OR4K13: variants seen among roughly 807,000 people sequenced by gnomAD.
The protein encoded by OR4K13 is olfactory receptor family 4 subfamily K member 13.
For missense variants in OR4K13, 403 were observed against 366.0 expected, an observed-to-expected ratio of 1.10 and a Z score of -0.82; for synonymous variants, 160 against 134.8, an observed-to-expected ratio of 1.19 and a Z score of -1.30.
chr14:20,033,970 G>A lies in OR4K13; in HGVS notation c.789C>T (p.Ser263=). ...PCVFIYVWPF[S]RYSVDKILSV... ...AAAGAATTTTATCTACCGAGTATCT[G>A]CTGAAGGGCCAGACGTAGATAAAGA... The change falls in exon 2 of 2, where the codon AGC becomes AGT. Residue 263 remains serine, a synonymous_variant. Transcript: ENST00000641904. 6.2e-7 allele frequency: 1 copy of A among 1,613,536 alleles called. No homozygotes were observed. The highest frequency in any genetic ancestry group is 1.1e-5 in the South Asian group (1 of 91,068).
At position 20,030,370 on chromosome 14, in the gene OR4K13, A is replaced by G. The variant is rs1396835749; in HGVS notation, c.*3474T>C. On this transcript the variant is annotated 3_prime_UTR_variant, in exon 2 of 2. Coordinates refer to ENST00000641904, the MANE Select transcript of OR4K13 (RefSeq NM_001004714.2). ...AAAATAAATTTTAAAAAATTAAAAT[A>G]ATAAAAAATAAATTGCTATAAAAGC... The G allele has an allele frequency of 6.6e-6, 1 of 151,952 alleles. No individual in the cohort carries two copies. Among genetic ancestry groups the G allele is most frequent in the African/African-American group, 2.4e-5 (1 of 41,442 alleles). The allele number at this position is 151,952 out of a possible 1,614,324, so 9.4% of individuals were successfully genotyped here.
rs1446535302 is a variant in OR4K13 at position 20,033,555 on chromosome 14, G to A, written c.*289C>T. On this transcript the variant is annotated 3_prime_UTR_variant, in exon 2 of 2. Coordinates refer to ENST00000641904, the MANE Select transcript of OR4K13 (RefSeq NM_001004714.2). The stretch of plus-strand genomic sequence containing the variant: ...AAACTGATAAAGGTGGGATTTAAAT[G>A]TATACAAGCCAAACTGTAGATATTA... 4.9e-6 allele frequency: 1 copy of A among 202,518 alleles called. No homozygotes were observed. The highest frequency in any genetic ancestry group is 1.0e-5 in the Non-Finnish European group (1 of 99,842). The allele number at this position is 202,518 out of a possible 1,614,324, so 12.5% of individuals were successfully genotyped here.
Position 20,034,877 on chromosome 14 carries a change from G to T in OR4K13, c.-119C>A. 1.2e-6 allele frequency: 1 copy of T among 806,038 alleles called. No individual in the cohort carries two copies. Among genetic ancestry groups the T allele is most frequent in the Non-Finnish European group, 1.9e-6 (1 of 521,766 alleles). The allele number at this position is 806,038 out of a possible 1,614,324, so 49.9% of individuals were successfully genotyped here. A position where few individuals can be genotyped will look rare whatever the true frequency, so the allele number is the denominator to read the frequency against. ...CATTTGGTACTCAGTCAAGGCACTT[G>T]AACTTACAAGGACCCTTACTTTTGT... is the stretch of plus-strand genomic sequence containing the variant. On this transcript the variant is annotated 5_prime_UTR_variant, in exon 2 of 2. Transcript: ENST00000641904.
In OR4K13 at chr14:20,034,444, G is replaced by A. The variant is rs377194294; in HGVS notation, c.315C>T (p.His105=). The A allele has an allele frequency of 1.3e-4, 207 of 1,613,794 alleles. No homozygotes were observed. Among genetic ancestry groups the A allele is most frequent in the Non-Finnish European group, 1.7e-4 (196 of 1,179,964 alleles). ...WGCYSQMFFM[H]LLGGSEMMLL... ...ACATCATCTCACTCCCACCCAGGAG[G>A]TGCATAAAGAACATCTGGGAATAAC... is the stretch of plus-strand genomic sequence containing the variant. The change falls in exon 2 of 2, where the codon CAC becomes CAT. Residue 105 remains histidine (H), a synonymous_variant. Coordinates refer to ENST00000641904, the MANE Select transcript of OR4K13 (RefSeq NM_001004714.2).
rs1387943515 is a variant in OR4K13 at position 20,033,255 on chromosome 14, T to C, written c.*589A>G. 6.6e-6 allele frequency: 1 copy of C among 152,390 alleles called. No individual in the cohort carries two copies. 9.4% of individuals were successfully genotyped at this position (152,390 alleles called of 1,614,324 possible). A position where few individuals can be genotyped will look rare whatever the true frequency, so the allele number is the denominator to read the frequency against. ...TGTGTTTATGGAAAACAACTTAGTA[T>C]AATTTAATACACACTAATCAGGGAT... On this transcript the variant is annotated 3_prime_UTR_variant, in exon 2 of 2. Coordinates refer to ENST00000641904, the MANE Select transcript of OR4K13 (RefSeq NM_001004714.2).
At position 20,034,178 on chromosome 14, in the gene OR4K13, A is replaced by G; in HGVS notation, c.581T>C (p.Ile194Thr). Residue 194 changes from isoleucine (I) to threonine (T), a missense_variant, in exon 2 of 2, where the codon ATC becomes ACC. Transcript: ENST00000641904. ...VIKLACKDTY[I>T]LQLLVIADSG... Reference sequence around the variant, plus strand: ...GTCAGCAATGACCAGGAGCTGTAGGATGTAGGTGTCCTTGCAGGCAAGTTT... The same window carrying G: ...GTCAGCAATGACCAGGAGCTGTAGGGTGTAGGTGTCCTTGCAGGCAAGTTT... 1 of 1,614,150 alleles carries G rather than the reference A, an allele frequency of 6.2e-7. No individual in the cohort carries two copies. The highest frequency in any genetic ancestry group is 8.5e-7 in the Non-Finnish European group (1 of 1,180,028).
chr14:20,034,839 A>C lies in OR4K13; in HGVS notation c.-81T>G. 1 of 1,168,110 alleles carries C rather than the reference A, an allele frequency of 8.6e-7. No individual in the cohort carries two copies. Among genetic ancestry groups the C allele is most frequent in the Admixed American group, 2.4e-5 (1 of 42,048 alleles). The allele number at this position is 1,168,110 out of a possible 1,614,324, so 72.4% of individuals were successfully genotyped here. A position where few individuals can be genotyped will look rare whatever the true frequency, so the allele number is the denominator to read the frequency against. ...TGATGCATATTGGAAAGAAATGTTC[A>C]TGTTGATGTCCACATTTGGTACTCA... On this transcript the variant is annotated 5_prime_UTR_variant, in exon 2 of 2. An upstream start codon of the reference 5' UTR is lost. Transcript: ENST00000641904.
Position 20,033,805 on chromosome 14 carries a change from G to C in OR4K13, c.*39C>G. On this transcript the variant is annotated 3_prime_UTR_variant, in exon 2 of 2. Transcript: ENST00000641904. Reference sequence around the variant, plus strand: ...TAAATGTTCAAACAAACAAGAGAGTGTCTCTTCAAAAGTCTCATCTAAAAA... The same window carrying C: ...TAAATGTTCAAACAAACAAGAGAGTCTCTCTTCAAAAGTCTCATCTAAAAA... 4 of 1,066,730 alleles carry C rather than the reference G, an allele frequency of 3.7e-6. No individual in the cohort carries two copies. The South Asian group carries it at 4.8e-5, about 13-fold the overall frequency. The allele number at this position is 1,066,730 out of a possible 1,614,324, so 66.1% of individuals were successfully genotyped here.
Position 20,034,077 on chromosome 14 carries a change from G to T in OR4K13, c.682C>A (p.Arg228Ser), listed in dbSNP as rs762850065. ...YGVIIFSVRYRAASRSSKAFS... is the reference protein window; with the variant it reads ...YGVIIFSVRYSAASRSSKAFS... ...GCCTTAGAGGATCGACTAGCAGCAC[G>T]GTACCTAACTGAGAATATTATGACT... The change falls in exon 2 of 2, where the codon CGT becomes AGT. Residue 228 changes from arginine to serine, a missense_variant. Arg to Ser is a moderately radical substitution (Grantham distance 110). Coordinates refer to ENST00000641904, the MANE Select transcript of OR4K13 (RefSeq NM_001004714.2). The T allele has an allele frequency of 4.3e-6, 7 of 1,614,010 alleles. No homozygotes were observed. The highest frequency in any genetic ancestry group is 5.9e-6 in the Non-Finnish European group (7 of 1,179,980).
In OR4K13 at chr14:20,033,407, T is replaced by C. The variant is rs1182971307; in HGVS notation, c.*437A>G. The C allele has an allele frequency of 1.3e-5, 2 of 154,750 alleles. No homozygotes were observed. The highest frequency in any genetic ancestry group is 2.9e-5 in the Non-Finnish European group (2 of 69,870). The allele number at this position is 154,750 out of a possible 1,614,324, so 9.6% of individuals were successfully genotyped here. ...ACAACAAAAAACCTAACAATAATAA[T>C]GTGTTTTCTGAGGTTTAAGAGCATG... On this transcript the variant is annotated 3_prime_UTR_variant, in exon 2 of 2. Transcript: ENST00000641904.
chr14:20,034,258 G>C lies in OR4K13; in HGVS notation c.501C>G (p.Pro167=). 1 of 1,614,070 alleles carries C rather than the reference G, an allele frequency of 6.2e-7. No individual in the cohort carries two copies. The highest frequency in any genetic ancestry group is 8.5e-7 in the Non-Finnish European group (1 of 1,180,016). Residue 167 remains proline, a synonymous_variant, in exon 2 of 2, where the codon CCC becomes CCG. Coordinates refer to ENST00000641904, the MANE Select transcript of OR4K13 (RefSeq NM_001004714.2). ...SSQMAFMLTL[P]FCGPNVIDSF... ...TGTCTATAACATTGGGACCACAGAA[G>C]GGCAAAGTCAACATGAAAGCCATTT...
Position 20,034,234 on chromosome 14 carries a change from G to T in OR4K13, c.525C>A (p.Asp175Glu). The T allele has an allele frequency of 6.2e-7, 1 of 1,614,142 alleles. No homozygotes were observed. Among genetic ancestry groups the T allele is most frequent in the East Asian group, 2.2e-5 (1 of 44,872 alleles). Residue 175 changes from aspartate (D) to glutamate (E), a missense_variant, in exon 2 of 2, where the codon GAC becomes GAA. Coordinates refer to ENST00000641904, the MANE Select transcript of OR4K13 (RefSeq NM_001004714.2). ...CAAGGGGAAGGTCACAGAAAAAGCT[G>T]TCTATAACATTGGGACCACAGAAGG... ...TLPFCGPNVIDSFFCDLPLVI... is the reference protein window; with the variant it reads ...TLPFCGPNVIESFFCDLPLVI...
chr14:20,032,010 A>G lies in OR4K13; in HGVS notation c.*1834T>C, dbSNP rs1338830020. 1 of 152,456 alleles carries G rather than the reference A, an allele frequency of 6.6e-6. No homozygotes were observed. Among genetic ancestry groups the G allele is most frequent in the Non-Finnish European group, 1.5e-5 (1 of 68,118 alleles). 9.4% of individuals were successfully genotyped at this position (152,456 alleles called of 1,614,324 possible). The stretch of plus-strand genomic sequence containing the variant: ...ATGTGGGAATAGTGCAGGAACGTGC[A>G]GGTCTGCGTGTTTTGTTCTGAAGGT... On this transcript the variant is annotated 3_prime_UTR_variant, in exon 2 of 2. Coordinates refer to ENST00000641904, the MANE Select transcript of OR4K13 (RefSeq NM_001004714.2).
chr14:20,034,658 A>G lies in OR4K13; in HGVS notation c.101T>C (p.Val34Ala), dbSNP rs2138674878. 1.2e-6 allele frequency: 2 copies of G among 1,613,868 alleles called. No individual in the cohort carries two copies. The highest frequency in any genetic ancestry group is 4.5e-5 in the East Asian group (2 of 44,900). Reference sequence around the variant, plus strand: ...GTTTCCTAACACAATCCCCACGAAGACCACAGAGAATCCCAAGAAGAATAA... The same window carrying G: ...GTTTCCTAACACAATCCCCACGAAGGCCACAGAGAATCCCAAGAAGAATAA... ...QILFFLGFSV[V>A]FVGIVLGNLL... The change falls in exon 2 of 2, where the codon GTC becomes GCC. Residue 34 changes from valine to alanine, a missense_variant. Physicochemically the swap from Val to Ala is moderately conservative, Grantham distance 64. Transcript: ENST00000641904.
At position 20,031,822 on chromosome 14, in the gene OR4K13, C is replaced by A. The variant is rs1877426066; in HGVS notation, c.*2022G>T. The A allele has an allele frequency of 6.7e-6, 1 of 149,982 alleles. No individual in the cohort carries two copies. The highest frequency in any genetic ancestry group is 2.4e-5 in the African/African-American group (1 of 40,846). The allele number at this position is 149,982 out of a possible 1,614,324, so 9.3% of individuals were successfully genotyped here. On this transcript the variant is annotated 3_prime_UTR_variant, in exon 2 of 2. Coordinates refer to ENST00000641904, the MANE Select transcript of OR4K13 (RefSeq NM_001004714.2). ...CCAACACACCCACCCATGCCCACCTCCCCGCTCAGAGGCTGAAAACAAGTG... is the reference window on the plus strand; with the variant it reads ...CCAACACACCCACCCATGCCCACCTACCCGCTCAGAGGCTGAAAACAAGTG...
Position 20,033,801 on chromosome 14 carries a change from G to A in OR4K13, c.*43C>T. ...TTCTTAAATGTTCAAACAAACAAGA[G>A]AGTGTCTCTTCAAAAGTCTCATCTA... On this transcript the variant is annotated 3_prime_UTR_variant, in exon 2 of 2. Coordinates refer to ENST00000641904, the MANE Select transcript of OR4K13 (RefSeq NM_001004714.2). 9.6e-7 allele frequency: 1 copy of A among 1,042,018 alleles called. No homozygotes were observed. The highest frequency in any genetic ancestry group is 1.6e-5 in the South Asian group (1 of 61,658). 64.5% of individuals were successfully genotyped at this position (1,042,018 alleles called of 1,614,324 possible).
chr14:20,034,052 G>A lies in OR4K13; in HGVS notation c.707C>T (p.Ala236Val). The A allele has an allele frequency of 6.2e-7, 1 of 1,614,110 alleles. No homozygotes were observed. The highest frequency in any genetic ancestry group is 8.5e-7 in the Non-Finnish European group (1 of 1,179,980). Residue 236 changes from alanine (A) to valine (V), a missense_variant, in exon 2 of 2, where the codon GCT becomes GTT. Coordinates refer to ENST00000641904, the MANE Select transcript of OR4K13 (RefSeq NM_001004714.2). ...GATGTGAGCTGAGAGAGTGGAGAAA[G>A]CCTTAGAGGATCGACTAGCAGCACG... ...RYRAASRSSK[A>V]FSTLSAHITV... is the part of the protein sequence containing the mutation.
At position 20,034,468 on chromosome 14, in the gene OR4K13, A is replaced by G; in HGVS notation, c.291T>C (p.Cys97=). The change falls in exon 2 of 2, where the codon TGT becomes TGC. Residue 97 remains cysteine, a synonymous_variant. Coordinates refer to ENST00000641904, the MANE Select transcript of OR4K13 (RefSeq NM_001004714.2). The stretch of plus-strand genomic sequence containing the variant: ...GGTGCATAAAGAACATCTGGGAATA[A>G]CATCCCCACCATGAGATGGTCTTAC... The part of the protein sequence containing the change: ...RERKTISWWG[C]YSQMFFMHLL... 1.9e-6 allele frequency: 3 copies of G among 1,614,022 alleles called. No individual in the cohort carries two copies. Among genetic ancestry groups the G allele is most frequent in the Non-Finnish European group, 2.5e-6 (3 of 1,179,964 alleles).
chr14:20,034,696 T>C lies in OR4K13; in HGVS notation c.63A>G (p.Gln21=), dbSNP rs1427827709. The change falls in exon 2 of 2, where the codon CAA becomes CAG. Residue 21 remains glutamine (Q), a synonymous_variant. Transcript: ENST00000641904. ...EFILLGLSKS[Q]NLQILFFLGF... ...CCAAGAAGAATAAAATCTGAAGATT[T>C]TGAGATTTGGAAAGTCCCAACAAAA... 2 of 1,612,974 alleles carry C rather than the reference T, an allele frequency of 1.2e-6. No individual in the cohort carries two copies. The highest frequency in any genetic ancestry group is 2.2e-5 in the East Asian group (1 of 44,872).
Sources: allele counts gnomAD v4.1 joint callset, GRCh38; gene constraint gnomAD v4.1.1; transcripts MANE v1.5; gene names NCBI Gene and HGNC (gene_info 2026-07-23, HGNC 2026-07-21).